The following RB1 variants were observed in gnomAD, a reference collection of about 807,000 sequenced individuals.
RB1 encodes retinoblastoma-associated protein.
In RB1, 18 loss-of-function variants were observed where a neutral mutation model predicts 135.4. The ratio of observed to expected loss-of-function variants is 0.13; its 90% CI spans 0.09 to 0.20. The LOEUF (loss-of-function observed/expected upper bound fraction) is 0.20, where lower values mean the gene tolerates loss of function less well. Among genes scored for constraint, RB1 ranks in the 10% least tolerant of loss-of-function variants. The probability of loss-of-function intolerance (pLI) is 1.00; values close to 1 mark genes in which losing one functional copy is unlikely to be tolerated. For missense variants in RB1, 868 were observed against 1,110.0 expected, an observed-to-expected ratio of 0.78 and a Z score of 3.10; for synonymous variants, 365 against 373.2, an observed-to-expected ratio of 0.98 and a Z score of 0.25.
intron 20 of RB1, among the ~76,000 whole-genome samples, chr13:48,460,259 C>T (rs528221880): frequency 4.6e-5 from 7 of 151,890 alleles, no homozygotes; most frequent in South Asian, 2.1e-4. Flanking sequence ...CATGAGCCAC[C>T]GCACCCAGCC....
chr13:48,303,918 G>T lies in RB1; in HGVS notation c.6G>T (p.Pro2=), dbSNP rs1593411898. 2 of 1,512,792 alleles carry T rather than the reference G, an allele frequency of 1.3e-6. No homozygotes were observed. The highest frequency in any genetic ancestry group is 4.1e-5 in the Admixed American group (2 of 49,044). The allele number at this position is 1,512,792 out of a possible 1,614,324, so 93.7% of individuals were successfully genotyped here. A position where few individuals can be genotyped will look rare whatever the true frequency, so the allele number is the denominator to read the frequency against. Residue 2 remains proline, a synonymous_variant, in exon 1 of 27, where the codon CCG becomes CCT. Transcript: ENST00000267163. The part of the protein sequence containing the change: M[P]PKTPRKTAAT... The stretch of plus-strand genomic sequence containing the variant: ...TCCCGCCGCGGAAAGGCGTCATGCC[G>T]CCCAAAACCCCCCGAAAAACGGCCG...
chr13:48,464,958 C>CTTTTTTTTTTTTTTTT (rs553094345), intron 21 of RB1, 40 bp from the exon 22 acceptor site: 250 of 832,626 alleles, frequency 3.0e-4, no homozygotes, highest in South Asian at 9.4e-4. Flanking sequence ...GTAAATTTTA[C>CTTTTTTTTTTTTTTTT]TTTTTTTTTT....
chr13:48,420,827 C>T (rs1948994378), intron 17 of RB1, among the ~76,000 whole-genome samples: 1 of 152,110 alleles, frequency 6.6e-6, no homozygotes. Flanking sequence ...ATACAACACA[C>T]AAGGGATGTG....
rs1952522861 is a variant in RB1 at position 48,348,980 on chromosome 13, A to C, written c.564A>C (p.Ala188=). ...SSSISTEINS[A]LVLKVSWITF... The stretch of plus-strand genomic sequence containing the variant: ...GGATATCTACTGAAATAAATTCTGC[A>C]TTGGTGCTAAAAGTTTCTTGGATCA... Residue 188 remains alanine (A), a synonymous_variant, in exon 6 of 27, where the codon GCA becomes GCC. Transcript: ENST00000267163. 6.2e-7 allele frequency: 1 copy of C among 1,602,824 alleles called. No individual in the cohort carries two copies. The highest frequency in any genetic ancestry group is 8.5e-7 in the Non-Finnish European group (1 of 1,173,574).
At position 48,412,447 on chromosome 13, in the gene RB1, G is replaced by T. The variant is rs768706415; in HGVS notation, c.1695+31004G>T. The T allele has an allele frequency of 2.6e-6, 4 of 1,553,124 alleles. No homozygotes were observed. In the East Asian group the frequency reaches 9.0e-5, roughly 35 times the overall value. The stretch of plus-strand genomic sequence containing the variant: ...ATCGTAAAGGCACGTCCAATTTTCA[G>T]TTTGGAAGCACTTTCATCAGCTGCA... On this transcript the variant is annotated intron_variant, in intron 17 of 26. Transcript: ENST00000267163.
chr13:48,412,313 A>C, intron 17 of RB1: 1 of 1,613,202 alleles, frequency 6.2e-7, no homozygotes, highest in Non-Finnish European at 8.5e-7. Context: ...TGTATATGGC[A>C]ACACAATTGG....
At position 48,438,939 on chromosome 13, in the gene RB1, T is replaced by C. The variant is rs184916106; in HGVS notation, c.1696-14054T>C. Among the ~76,000 whole-genome samples, 397 of 138,276 alleles carry C rather than the reference T, an allele frequency of 2.9e-3. 1 individual carries two copies. The highest frequency in any genetic ancestry group is 4.5e-3 in the Non-Finnish European group (302 of 67,748). 90.7% of individuals were successfully genotyped at this position (138,276 alleles called of 152,430 possible). On this transcript the variant is annotated intron_variant, in intron 17 of 26. Transcript: ENST00000267163. ...GGTACTACTATGAATGTGCTATTTC[T>C]CTTAGCATCTCTAGATGAATGGATC... is the stretch of plus-strand genomic sequence containing the variant.
chr13:48,426,687 C>T (rs1364809498), intron 17 of RB1: 1 of 152,238 alleles, frequency 6.6e-6, no homozygotes, highest in Non-Finnish European at 1.5e-5. Flanking sequence ...ATTGCTGGAG[C>T]AGGAACTCGA....
intron 2 of RB1, among the ~76,000 whole-genome samples, chr13:48,337,773 C>A (rs1265804343): frequency 2.0e-5 from 3 of 152,124 alleles, no homozygotes; most frequent in East Asian, 3.8e-4. Context: ...TCTTCCTAGC[C>A]TCGATGGTCT....
At chr13:48,410,749 A>G (rs1438893343) in intron 17 of RB1, among the ~76,000 whole-genome samples, 1 of 152,158 alleles carries the variant, frequency 6.6e-6, no homozygotes, top group Non-Finnish European at 1.5e-5. Context: ...TTCAAAGCAT[A>G]CCATATAGAT....
intron 6 of RB1, 117 bp from the exon 7 acceptor site, chr13:48,359,900 C>T: frequency 2.9e-6 from 4 of 1,360,394 alleles, no homozygotes; most frequent in Admixed American, 2.9e-5. Flanking sequence ...AAATCTTTAC[C>T]ATGCTGATAG....
At chr13:48,354,112 G>A (rs1952571188) in intron 6 of RB1, among the ~76,000 whole-genome samples, 1 of 151,984 alleles carries the variant, frequency 6.6e-6, no homozygotes. Context: ...AAGATATAAA[G>A]GGAATCCAGA....
At chr13:48,450,530 T>C (rs1262115456) in intron 17 of RB1, among the ~76,000 whole-genome samples, 3 of 152,222 alleles carry the variant, frequency 2.0e-5, no homozygotes, top group Non-Finnish European at 4.4e-5. Flanking sequence ...TGTGTCTGCT[T>C]TTGTACTAAT....
chr13:48,392,272 G>A (rs573098517), intron 17 of RB1, among the ~76,000 whole-genome samples: 2 of 151,786 alleles, frequency 1.3e-5, no homozygotes, highest in Admixed American at 6.6e-5. Context: ...CACCATGCCC[G>A]GCTAATTTTT....
intron 17 of RB1, among the ~76,000 whole-genome samples, chr13:48,448,312 G>A (rs1949303290): frequency 6.6e-6 from 1 of 152,106 alleles, no homozygotes; most frequent in Non-Finnish European, 1.5e-5. Context: ...GATTGGAGTT[G>A]TAGAGTCTGC....
intron 2 of RB1, among the ~76,000 whole-genome samples, chr13:48,342,099 T>G (rs1566185922): frequency 6.6e-6 from 1 of 151,994 alleles, no homozygotes. Flanking sequence ...TATTCTTATT[T>G]TGATTTTACA....
In RB1 at chr13:48,387,880, C is replaced by G. The variant is rs538457385; in HGVS notation, c.1695+6437C>G. On this transcript the variant is annotated intron_variant, in intron 17 of 26. Coordinates refer to ENST00000267163, the MANE Select transcript of RB1 (RefSeq NM_000321.3). ...TTTGAGTCCAAAAAGTTTGAGAACC[C>G]TTGCCTGTATTCTCTTCCCCACTCA... Among the ~76,000 whole-genome samples the G allele has an allele frequency of 2.6e-5, 4 of 152,180 alleles. No homozygotes were observed. The South Asian group carries it at 8.3e-4, about 32-fold the overall frequency.
chr13:48,367,041 C>T (rs537458234), intron 9 of RB1, among the ~76,000 whole-genome samples: 1 of 151,516 alleles, frequency 6.6e-6, no homozygotes, highest in African/African-American at 2.4e-5. Flanking sequence ...GTTGCTTGAA[C>T]CCCGGGGGCA....
chr13:48,406,959 T>C (rs1948745880), intron 17 of RB1, among the ~76,000 whole-genome samples: 1 of 152,204 alleles, frequency 6.6e-6, no homozygotes, highest in African/African-American at 2.4e-5. Flanking sequence ...TGTGACATTG[T>C]GTCTGTTGTT....
Sources: gnomAD v4.1 joint callset for allele counts (sites outside exome capture counted in the v4.1 genomes callset) on GRCh38, gnomAD v4.1.1 for gene constraint, MANE v1.5 for transcripts, NCBI Gene and HGNC (gene_info 2026-07-23, HGNC 2026-07-21) for gene names.